The following PDE4C variants were observed in gnomAD, a reference collection of about 807,000 sequenced individuals.
The protein encoded by PDE4C is phosphodiesterase 4C, also known as 3',5'-cyclic-AMP phosphodiesterase 4C.
A neutral mutation model predicts 63.9 loss-of-function variants in PDE4C; 50 were observed. The observed-to-expected ratio is 0.78, with a 90% CI of 0.62 to 0.99. The LOEUF (loss-of-function observed/expected upper bound fraction) is 0.99. PDE4C is among the 50% of genes least tolerant of loss of function. PDE4C has a pLI of 0.00. For missense variants in PDE4C, 777 were observed against 899.1 expected (o/e 0.86, Z 1.74); for synonymous variants, 377 against 385.1 (o/e 0.98, Z 0.25).
chr19:18,242,803 A>AAC (rs398034153), intron 1 of PDE4C, among the ~76,000 whole-genome samples: 29 of 148,262 alleles, frequency 2.0e-4, no homozygotes, highest in African/African-American at 7.2e-4. Context: ...AAAAAAAAAA[A>AAC]GGGAATTGGG....
At position 18,220,911 on chromosome 19, in the gene PDE4C, G is replaced by C; in HGVS notation, c.462C>G (p.Val154=). The C allele has an allele frequency of 6.2e-7, 1 of 1,606,344 alleles. No homozygotes were observed. Among genetic ancestry groups the C allele is most frequent in the Non-Finnish European group, 8.5e-7 (1 of 1,177,460 alleles). Residue 154 remains valine (V), a synonymous_variant, in exon 5 of 15, where the codon GTC becomes GTG. Transcript: ENST00000262805. This position sits in a 1 kb window ranked among gnomAD's most constrained non-coding sequence, Gnocchi z 5.1. ...GCTGATTGCTGGATGAAGGGTTTCC[G>C]ACGGGTCCCTGCCTGCGGTACAGCA...
chr19:18,221,070 G>A (rs1968456175), intron 4 of PDE4C, 35 bp downstream of exon 4: 7 of 760,414 alleles, frequency 9.2e-6, no homozygotes, highest in Non-Finnish European at 1.3e-5. Context: ...TGTCTCTGCC[G>A]GCCCCGCCCC....
chr19:18,253,357 T>A, the PDE4C span, among the ~76,000 whole-genome samples: 1 of 152,080 alleles, frequency 6.6e-6, no homozygotes, highest in Non-Finnish European at 1.5e-5. Context: ...CACTCCTGCC[T>A]GGGAGACATA....
rs753682439 is a variant in PDE4C, at chr19:18,220,818, T to C, written c.499+56A>G. On this transcript the variant is annotated intron_variant, in intron 5 of 14. Coordinates refer to ENST00000262805, the Ensembl canonical transcript of PDE4C. This position sits in a 1 kb window ranked among gnomAD's most constrained non-coding sequence, Gnocchi z 5.1. ...GGCTCATGGACTGGGGAGGTCACTA[T>C]GGAAAGGAAGCTCCCAGCTGTCCTC... 4 of 1,544,272 alleles carry C rather than the reference T, an allele frequency of 2.6e-6. No homozygotes were observed. Among genetic ancestry groups the C allele is most frequent in the Non-Finnish European group, 3.5e-6 (4 of 1,128,186 alleles).
intron 12 of PDE4C, 68 bp downstream of exon 12, chr19:18,216,673 G>C: frequency 6.9e-7 from 1 of 1,457,930 alleles, no homozygotes; most frequent in Non-Finnish European, 9.2e-7. Context: ...CCACCCTGCT[G>C]TCTGCAGATG....
At chr19:18,238,922 C>T (rs917114637) in intron 1 of PDE4C, among the ~76,000 whole-genome samples, 4 of 150,916 alleles carry the variant, frequency 2.7e-5, no homozygotes, top group East Asian at 2.0e-4. Context: ...ACCCGGGAGG[C>T]GGAGGCTGCA....
chr19:18,221,056 ACCTTGTCTCTGC>A, intron 4 of PDE4C, 37 bp downstream of exon 4: 1 of 740,052 alleles, frequency 1.4e-6, no homozygotes, highest in African/African-American at 3.1e-5. Flanking sequence ...CTTTCCGCCC[ACCTTGTCTCTGC>A]CGGCCCCGCC....
At chr19:18,242,791 A>G (rs1969065352) in intron 1 of PDE4C, among the ~76,000 whole-genome samples, 1 of 151,148 alleles carries the variant, frequency 6.6e-6, no homozygotes, top group Non-Finnish European at 1.5e-5. Context: ...ACCTCAAAAA[A>G]AAAAAAAAAA....
upstream of PDE4C, chr19:18,248,320 T>A (rs1969168929): frequency 2.4e-6 from 1 of 423,186 alleles, no homozygotes; most frequent in African/African-American, 2.1e-5. Flanking sequence ...GGCCAGGACA[T>A]AATCCACACA....
chr19:18,210,947 G>C, exon 15 of PDE4C: 1 of 1,610,242 alleles, frequency 6.2e-7, no homozygotes, highest in Non-Finnish European at 8.5e-7. Flanking sequence ...TCTGGTTGTC[G>C]AGGGGTAAGT....
upstream of PDE4C, among the ~76,000 whole-genome samples, chr19:18,251,144 G>A (rs1461067780): frequency 6.7e-6 from 1 of 148,900 alleles, no homozygotes; most frequent in East Asian, 2.0e-4. Context: ...TTTCCCCCCC[G>A]AGATGGAGTC....
At position 18,213,022 on chromosome 19, in the gene PDE4C, G is replaced by A. The variant is rs377615598; in HGVS notation, c.1512+346C>T. On this transcript the variant is annotated intron_variant, in intron 13 of 14. Coordinates refer to ENST00000262805, the Ensembl canonical transcript of PDE4C. ...TTTTAAAGTAAAACCGGCCGGGCGC[G>A]GTGGCTCACGCCTGTAATCCCAGCA... 1.2e-3 allele frequency among the ~76,000 whole-genome samples: 177 copies of A among 146,098 alleles called. 1 individual carries two copies. Among genetic ancestry groups the A allele is most frequent in the African/African-American group, 3.8e-3 (154 of 40,196 alleles).
upstream of PDE4C, among the ~76,000 whole-genome samples, chr19:18,237,240 C>T (rs577974434): frequency 8.9e-4 from 135 of 152,216 alleles, no homozygotes; most frequent in African/African-American, 3.1e-3. Flanking sequence ...GGATCTCAAA[C>T]GTGGGGGGAT....
chr19:18,233,680 C>T (rs530312438), upstream of PDE4C: 21 of 345,822 alleles, frequency 6.1e-5, no homozygotes, highest in Non-Finnish European at 1.1e-4. Context: ...TTGGGTTCTC[C>T]GGGTGGATGA....
chr19:18,218,442 C>T (rs1273892952), exon 10 of PDE4C: 1 of 1,614,100 alleles, frequency 6.2e-7, no homozygotes, highest in East Asian at 2.2e-5. Flanking sequence ...CCAGCATCAG[C>T]AGGTAGGTGG....
intron 2 of PDE4C, 112 bp from the exon 3 acceptor site, chr19:18,221,409 CCTT>C (rs1968480199): frequency 1.8e-6 from 2 of 1,107,290 alleles, no homozygotes. Flanking sequence ...CCTCCAGGCT[CCTT>C]CTTAGTCCCT....
chr19:18,251,825 C>G (rs1969233825), upstream of PDE4C, among the ~76,000 whole-genome samples: 1 of 151,918 alleles, frequency 6.6e-6, no homozygotes. Context: ...TATAACCTGT[C>G]TCCCCACCAC....
exon 1 of PDE4C, chr19:18,233,348 A>T: frequency 3.0e-6 from 3 of 1,006,862 alleles, no homozygotes; most frequent in Non-Finnish European, 4.5e-6. Context: ...AGAAGGTGGA[A>T]CTGGGGCTCA....
At chr19:18,237,287 C>G (rs761090584), upstream of PDE4C, among the ~76,000 whole-genome samples, 18 of 152,002 alleles carry the variant, frequency 1.2e-4, no homozygotes, top group Non-Finnish European at 1.9e-4. Context: ...CGCTGTGGCT[C>G]GTGCCTGTAA....
Sources: gnomAD v4.1 joint callset for allele counts (sites outside exome capture counted in the v4.1 genomes callset) on GRCh38, gnomAD v4.1.1 for gene constraint, Gnocchi (gnomAD v3.1) non-coding constraint, MANE v1.5 for transcripts, NCBI Gene and HGNC (gene_info 2026-07-23, HGNC 2026-07-21) for gene names.